PITPNM2: variants seen among roughly 807,000 people sequenced by gnomAD.
PITPNM2 encodes phosphatidylinositol transfer protein membrane associated 2, also known as membrane-associated phosphatidylinositol transfer protein 2.
PITPNM2 carries 35 observed loss-of-function variants against 132.2 expected under a neutral mutation model. The ratio of observed to expected loss-of-function variants is 0.26; its 90% CI spans 0.20 to 0.35. The LOEUF is 0.35. Ranked by LOEUF, PITPNM2 falls within the 10% of genes least tolerant of loss-of-function variation. The pLI is 1.00. For missense variants in PITPNM2, 1,332 were observed against 1,912.0 expected, an observed-to-expected ratio of 0.70 and a Z score of 5.66; for synonymous variants, 738 against 799.2, an observed-to-expected ratio of 0.92 and a Z score of 1.29.
chr12:123,151,377 C>G (rs986847229), upstream of PITPNM2, among the ~76,000 whole-genome samples: 5 of 152,082 alleles, frequency 3.3e-5, no homozygotes, highest in Admixed American at 2.0e-4. Context: ...GCCCACCGTC[C>G]GCAGCAGCCG....
At chr12:123,110,064 C>T (rs946544531) in intron 2 of PITPNM2, among the ~76,000 whole-genome samples, 3 of 152,228 alleles carry the variant, frequency 2.0e-5, no homozygotes, top group East Asian at 3.9e-4. Flanking sequence ...CTCAAGTGAT[C>T]GTCCTACATC....
chr12:123,117,906 T>C lies in PITPNM2; in HGVS notation c.-199-7418A>G, dbSNP rs2042962050. 1.3e-5 allele frequency among the ~76,000 whole-genome samples: 2 copies of C among 152,220 alleles called. No homozygotes were observed. The highest frequency in any genetic ancestry group is 4.8e-5 in the African/African-American group (2 of 41,452). Reference sequence around the variant, plus strand: ...AAAGCCTGGCCCCCAGAATGCCCCATGCAATCTCCTATGCTCCCTCTTTCT... The same window carrying C: ...AAAGCCTGGCCCCCAGAATGCCCCACGCAATCTCCTATGCTCCCTCTTTCT... On this transcript the variant is annotated intron_variant, in intron 1 of 25. Transcript: ENST00000320201. This position sits in a 1 kb window ranked among gnomAD's most constrained non-coding sequence, Gnocchi z 4.7.
Position 123,097,654 on chromosome 12 carries a change from CTGCCTGCCTTCCT to C in PITPNM2, c.-96+12718_-96+12730del, listed in dbSNP as rs905351683. Among the ~76,000 whole-genome samples, 2 of 152,340 alleles carry C rather than the reference CTGCCTGCCTTCCT, an allele frequency of 1.3e-5. No individual in the cohort carries two copies. Among genetic ancestry groups the C allele is most frequent in the East Asian group, 1.9e-4 (1 of 5,190 alleles). On this transcript the variant is annotated intron_variant, in intron 2 of 25. Transcript: ENST00000320201. The surrounding 1 kb of genome is among the most constrained non-coding windows in gnomAD (Gnocchi z 4.7). Reference sequence around the variant, plus strand: ...AGTGCAGCCTGCCTCACTTGCCTGCCTGCCTGCCTTCCTTGCCTGCCTGTCTGCCTTCCACTGG... The same window carrying C: ...AGTGCAGCCTGCCTCACTTGCCTGCCTGCCTGCCTGTCTGCCTTCCACTGG...
rs1233783389 is a variant in PITPNM2, at chr12:123,034,495, C to A, written c.78+18G>T. ...GACCCACCCTCACCCCATGACCCAC[C>A]CTTGCCCCACGACCCACCTGTATCA... On this transcript the variant is annotated intron_variant, in intron 3 of 25. Coordinates refer to ENST00000320201, the MANE Select transcript of PITPNM2 (RefSeq NM_020845.3). 40 of 1,613,108 alleles carry A rather than the reference C, an allele frequency of 2.5e-5. No homozygotes were observed. The highest frequency in any genetic ancestry group is 3.4e-5 in the Non-Finnish European group (40 of 1,179,450).
chr12:123,015,891 C>G (rs1283823480), intron 3 of PITPNM2, among the ~76,000 whole-genome samples: 1 of 152,168 alleles, frequency 6.6e-6, no homozygotes, highest in South Asian at 2.1e-4. Flanking sequence ...ATAAAGAACT[C>G]CTAAACTCAA....
intron 8 of PITPNM2, among the ~76,000 whole-genome samples, chr12:123,002,886 A>G (rs2038757917): frequency 6.6e-6 from 1 of 152,090 alleles, no homozygotes; most frequent in African/African-American, 2.4e-5. Context: ...GAAACTATAT[A>G]TTACTGTGGT....
chr12:122,991,961 C>T lies in PITPNM2; in HGVS notation c.2404+538G>A, dbSNP rs1027733501. On this transcript the variant is annotated intron_variant, in intron 16 of 25. Coordinates refer to ENST00000320201, the MANE Select transcript of PITPNM2 (RefSeq NM_020845.3). The stretch of plus-strand genomic sequence containing the variant: ...GACACTTGCATGGGCCATCCAGACA[C>T]GCTCTGACACAGAGACTCAGGGCTC... 3.6e-5 allele frequency: 46 copies of T among 1,278,914 alleles called. No individual in the cohort carries two copies. The South Asian group carries it at 5.1e-4, about 14-fold the overall frequency. 79.2% of individuals were successfully genotyped at this position (1,278,914 alleles called of 1,614,324 possible).
At position 123,083,432 on chromosome 12, in the gene PITPNM2, A is replaced by G. The variant is rs1267926757; in HGVS notation, c.-96+26953T>C. On this transcript the variant is annotated intron_variant, in intron 2 of 25. Transcript: ENST00000320201. This position sits in a 1 kb window ranked among gnomAD's most constrained non-coding sequence, Gnocchi z 4.5. ...GCCTGGAGTTATGTCCCTCACCCCC[A>G]CTGTAGACTAACTCCTGGTCCCACC... 3.3e-5 allele frequency: 5 copies of G among 152,154 alleles called. No homozygotes were observed. Among genetic ancestry groups the G allele is most frequent in the Non-Finnish European group, 7.3e-5 (5 of 68,048 alleles). The allele number at this position is 152,154 out of a possible 1,614,324, so 9.4% of individuals were successfully genotyped here. A position where few individuals can be genotyped will look rare whatever the true frequency, so the allele number is the denominator to read the frequency against.
chr12:123,120,374 G>A (rs1040666610), intron 1 of PITPNM2, among the ~76,000 whole-genome samples: 78 of 152,228 alleles, frequency 5.1e-4, no homozygotes, highest in African/African-American at 1.9e-3. Context: ...TTGGCTGGGA[G>A]GCACTGGCCC....
At chr12:123,087,139 G>A (rs565360650) in intron 2 of PITPNM2, 20 of 152,326 alleles carry the variant, frequency 1.3e-4, no homozygotes, top group African/African-American at 4.1e-4. Flanking sequence ...TAGAAATAGC[G>A]GGCCCTGCAC....
At chr12:123,044,483 C>T (rs1481611696) in intron 2 of PITPNM2, among the ~76,000 whole-genome samples, 3 of 152,244 alleles carry the variant, frequency 2.0e-5, no homozygotes, top group Admixed American at 6.5e-5. Context: ...TCAATCAATT[C>T]TCCAGGGAAA....
At chr12:123,145,790 G>A (rs2043603116) in intron 1 of PITPNM2, among the ~76,000 whole-genome samples, 1 of 152,088 alleles carries the variant, frequency 6.6e-6, no homozygotes, top group Non-Finnish European at 1.5e-5. Flanking sequence ...ACCAGTCTGG[G>A]CAACATAGCA....
intron 2 of PITPNM2, among the ~76,000 whole-genome samples, chr12:123,069,742 C>A (rs1592989663): frequency 6.6e-6 from 1 of 152,166 alleles, no homozygotes; most frequent in South Asian, 2.1e-4. Context: ...AAAGTTGTGT[C>A]CCCAGGGCTC....
rs2040076275 is a variant in PITPNM2 at position 123,031,240 on chromosome 12, T to A, written c.78+3273A>T. 6.6e-6 allele frequency among the ~76,000 whole-genome samples: 1 copy of A among 152,224 alleles called. No individual in the cohort carries two copies. On this transcript the variant is annotated intron_variant, in intron 3 of 25. Coordinates refer to ENST00000320201, the MANE Select transcript of PITPNM2 (RefSeq NM_020845.3). This position sits in a 1 kb window ranked among gnomAD's most constrained non-coding sequence, Gnocchi z 4.5. ...TCTTCCAAATGCTATAGAGACCTGA[T>A]AGCCTGAGCCCCGTCCATGCAGACA...
chr12:123,104,352 T>C (rs987916512), intron 2 of PITPNM2, among the ~76,000 whole-genome samples: 1 of 152,218 alleles, frequency 6.6e-6, no homozygotes, highest in African/African-American at 2.4e-5. Context: ...GACTTGCACC[T>C]ATACGCCCAG....
At chr12:123,128,418 G>GCAATACAGTGAGACTCGATA (rs1339681868) in intron 1 of PITPNM2, among the ~76,000 whole-genome samples, 3 of 146,408 alleles carry the variant, frequency 2.0e-5, no homozygotes, top group Non-Finnish European at 3.0e-5. Flanking sequence ...TCCAGCCTGG[G>GCAATACAGTGAGACTCGATA]TGACAGAGCA....
chr12:123,127,215 A>G (rs2043156963), intron 1 of PITPNM2, among the ~76,000 whole-genome samples: 1 of 152,178 alleles, frequency 6.6e-6, no homozygotes, highest in African/African-American at 2.4e-5. Context: ...AACCCCACTG[A>G]GAGATGCTGA....
chr12:123,137,117 A>C (rs539955164), intron 1 of PITPNM2, among the ~76,000 whole-genome samples: 16 of 152,320 alleles, frequency 1.1e-4, no homozygotes, highest in African/African-American at 3.1e-4. Context: ...CCAGCCACCC[A>C]GGCGGCTGCC....
intron 16 of PITPNM2, 40 bp from the exon 17 acceptor site, chr12:122,990,749 C>G (rs754509220): frequency 3.2e-5 from 50 of 1,548,612 alleles, no homozygotes; most frequent in Non-Finnish European, 4.4e-5. Context: ...TAAGAGAGGC[C>G]CTGCCCAGCC....
Sources: allele counts gnomAD v4.1 joint callset (sites outside exome capture counted in the v4.1 genomes callset), GRCh38; gene constraint gnomAD v4.1.1; non-coding constraint Gnocchi (gnomAD v3.1); transcripts MANE v1.5; gene names NCBI Gene and HGNC (gene_info 2026-07-23, HGNC 2026-07-21).